COL25A1: variants seen among roughly 807,000 people sequenced by gnomAD.
The protein encoded by COL25A1 is collagen alpha-1(XXV) chain.
COL25A1 carries 103 observed loss-of-function variants against 128.4 expected under a neutral mutation model. That is an observed-to-expected ratio of 0.80 (90% CI 0.68 to 0.94). The LOEUF (loss-of-function observed/expected upper bound fraction) is 0.94, where lower values mean the gene tolerates loss of function less well. Ranked by LOEUF, COL25A1 falls within the 40% of genes least tolerant of loss-of-function variation. COL25A1 has a pLI of 0.00. For missense variants in COL25A1, 745 were observed against 840.0 expected (o/e 0.89, Z 1.40); for synonymous variants, 279 against 277.2 (o/e 1.01, Z -0.06).
intron 3 of COL25A1, among the ~76,000 whole-genome samples, chr4:109,066,760 T>G (rs1762487197): frequency 6.6e-6 from 1 of 152,100 alleles, no homozygotes; most frequent in Non-Finnish European, 1.5e-5. Flanking sequence ...AATCCTGGGT[T>G]CAAGGGATCC....
chr4:109,061,995 T>C (rs1220582715), intron 3 of COL25A1, among the ~76,000 whole-genome samples: 1 of 152,208 alleles, frequency 6.6e-6, no homozygotes, highest in Non-Finnish European at 1.5e-5. Context: ...GCATAGGAAC[T>C]AACACAGAAT....
chr4:109,004,097 T>A (rs139788766), intron 6 of COL25A1, among the ~76,000 whole-genome samples: 48 of 152,282 alleles, frequency 3.2e-4, no homozygotes, highest in Non-Finnish European at 3.5e-4. Flanking sequence ...CACCATCTCA[T>A]TTCCCTTGTC....
At chr4:109,205,350 C>T (rs1464266956) in intron 3 of COL25A1, among the ~76,000 whole-genome samples, 4 of 152,204 alleles carry the variant, frequency 2.6e-5, no homozygotes, top group East Asian at 1.9e-4. Flanking sequence ...GGGCATATGG[C>T]TGCCTAGCTA....
intron 11 of COL25A1, among the ~76,000 whole-genome samples, chr4:108,928,512 A>G (rs921901421): frequency 2.2e-5 from 3 of 138,762 alleles, no homozygotes; most frequent in Non-Finnish European, 3.1e-5. Flanking sequence ...TTATTTATTT[A>G]TGTATTTATT....
intron 3 of COL25A1, among the ~76,000 whole-genome samples, chr4:109,167,157 G>C (rs1773148617): frequency 6.6e-6 from 1 of 152,108 alleles, no homozygotes; most frequent in South Asian, 2.1e-4. Flanking sequence ...AATCCTATAG[G>C]AATTTGTATA....
intron 31 of COL25A1, among the ~76,000 whole-genome samples, chr4:108,837,812 G>T (rs1288501067): frequency 1.3e-5 from 2 of 152,208 alleles, no homozygotes; most frequent in Non-Finnish European, 2.9e-5. Context: ...ACTTTTAAAA[G>T]AAGGGGACAA....
chr4:109,251,930 A>G (rs1482519128), intron 3 of COL25A1, among the ~76,000 whole-genome samples: 2 of 152,180 alleles, frequency 1.3e-5, no homozygotes, highest in Admixed American at 6.5e-5. Flanking sequence ...GTGGCACTGT[A>G]ACTGAGGCTT....
At chr4:108,906,710 T>C (rs1743568523) in intron 13 of COL25A1, among the ~76,000 whole-genome samples, 1 of 152,258 alleles carries the variant, frequency 6.6e-6, no homozygotes, top group Non-Finnish European at 1.5e-5. Flanking sequence ...TTATATTTTA[T>C]CTGACAACCC....
intron 13 of COL25A1, among the ~76,000 whole-genome samples, chr4:108,906,912 T>C (rs780048491): frequency 3.3e-5 from 5 of 152,164 alleles, no homozygotes; most frequent in African/African-American, 9.7e-5. Context: ...CATGAAGATG[T>C]GAAGCACTGA....
chr4:109,073,374 A>G (rs1217238529), intron 3 of COL25A1, among the ~76,000 whole-genome samples: 1 of 152,170 alleles, frequency 6.6e-6, no homozygotes, highest in African/African-American at 2.4e-5. Context: ...GAATGTACAG[A>G]TCCATTAGAC....
intron 3 of COL25A1, among the ~76,000 whole-genome samples, chr4:109,070,247 C>G (rs1299069733): frequency 1.4e-5 from 2 of 147,860 alleles, no homozygotes; most frequent in South Asian, 2.1e-4. Context: ...GACTCTGTCT[C>G]AAAAAACAAA....
chr4:109,264,000 C>A (rs948344219), intron 3 of COL25A1, among the ~76,000 whole-genome samples: 1 of 152,122 alleles, frequency 6.6e-6, no homozygotes, highest in African/African-American at 2.4e-5. Context: ...ATGGAACAGA[C>A]AAACTGTATA....
intron 16 of COL25A1, among the ~76,000 whole-genome samples, chr4:108,895,439 G>GGATGT (rs1742005226): frequency 6.6e-6 from 1 of 152,134 alleles, no homozygotes; most frequent in Non-Finnish European, 1.5e-5. Context: ...CACAAGTGAA[G>GGATGT]TATAACATCC....
chr4:108,837,616 T>C (rs1020412201), intron 31 of COL25A1, among the ~76,000 whole-genome samples: 7 of 152,166 alleles, frequency 4.6e-5, no homozygotes, highest in Admixed American at 4.6e-4. Flanking sequence ...GAACATGATA[T>C]GATTGATTAA....
At chr4:108,965,813 T>C (rs146693069) in intron 8 of COL25A1, among the ~76,000 whole-genome samples, 241 of 152,250 alleles carry the variant, frequency 1.6e-3, no homozygotes, top group Middle Eastern at 6.8e-3. Context: ...GATAAAGAAA[T>C]GAAGTTCATT....
intron 3 of COL25A1, among the ~76,000 whole-genome samples, chr4:109,125,751 A>T (rs1041326510): frequency 6.6e-6 from 1 of 152,186 alleles, no homozygotes; most frequent in Non-Finnish European, 1.5e-5. Flanking sequence ...CAACTCCTGT[A>T]GGAAAGAGGT....
intron 11 of COL25A1, among the ~76,000 whole-genome samples, chr4:108,926,982 A>G (rs890709933): frequency 6.6e-6 from 1 of 152,146 alleles, no homozygotes; most frequent in African/African-American, 2.4e-5. Flanking sequence ...AGTGGGTATG[A>G]AGGAACACAG....
chr4:108,927,297 T>C (rs1206150313), intron 11 of COL25A1, among the ~76,000 whole-genome samples: 3 of 152,202 alleles, frequency 2.0e-5, no homozygotes, highest in African/African-American at 7.2e-5. Flanking sequence ...AAAAATCCAC[T>C]TGACTAAAAA....
intron 6 of COL25A1, among the ~76,000 whole-genome samples, chr4:109,009,776 CG>C: frequency 6.6e-6 from 1 of 152,208 alleles, no homozygotes; most frequent in East Asian, 1.9e-4. Context: ...TGAAAACTCA[CG>C]TATTTTTTTG....
Sources: allele counts gnomAD v4.1 joint callset (sites outside exome capture counted in the v4.1 genomes callset), GRCh38; gene constraint gnomAD v4.1.1; transcripts MANE v1.5; gene names NCBI Gene and HGNC (gene_info 2026-07-23, HGNC 2026-07-21).